Variants in LINGO2 observed in about 807,000 individuals in gnomAD.
The protein encoded by LINGO2 is leucine-rich repeat and immunoglobulin-like domain-containing nogo receptor-interacting protein 2.
Under a neutral mutation model 30.6 loss-of-function variants are expected in LINGO2, and 14 were observed. That is an observed-to-expected ratio of 0.46 (90% CI 0.30 to 0.72). The LOEUF (loss-of-function observed/expected upper bound fraction) is 0.72, where lower values mean the gene tolerates loss of function less well. Ranked by LOEUF, LINGO2 falls within the 30% of genes least tolerant of loss-of-function variation. The pLI is 0.07. For missense variants in LINGO2, 729 were observed against 751.7 expected (o/e 0.97, Z 0.35); for synonymous variants, 317 against 288.5 (o/e 1.10, Z -1.00).
intron 4 of LINGO2, among the ~76,000 whole-genome samples, chr9:28,256,420 G>A (rs938755625): frequency 6.6e-6 from 1 of 151,808 alleles, no homozygotes; most frequent in Non-Finnish European, 1.5e-5. Flanking sequence ...TCCAGGGGAC[G>A]TAGAAGTAAG....
At position 28,064,448 on chromosome 9, in the gene LINGO2, C is replaced by T. The variant is rs139340415; in HGVS notation, c.-86-52043G>A. On this transcript the variant is annotated intron_variant, in intron 4 of 5. Coordinates refer to ENST00000379992, the Ensembl canonical transcript of LINGO2. The stretch of plus-strand genomic sequence containing the variant: ...ATTGACGAACCAGCTGGGCTTGTCT[C>T]GGTATAGTAACCTAATAAGCTCCAA... Among the ~76,000 whole-genome samples the T allele has an allele frequency of 4.9e-4, 74 of 152,164 alleles. No homozygotes were observed. In the East Asian group the frequency reaches 0.014, roughly 29 times the overall value.
At chr9:28,790,642 G>T in the LINGO2 span, among the ~76,000 whole-genome samples, 2 of 151,778 alleles carry the variant, frequency 1.3e-5, no homozygotes, top group African/African-American at 4.8e-5. Flanking sequence ...CCTACTTTAC[G>T]CATCTTATAG....
chr9:29,193,498 T>C, the LINGO2 span, among the ~76,000 whole-genome samples: 1 of 152,212 alleles, frequency 6.6e-6, no homozygotes, highest in Admixed American at 6.5e-5. Flanking sequence ...TTATTGACTT[T>C]CAAGGGGAGT....
intron 2 of LINGO2, among the ~76,000 whole-genome samples, chr9:28,390,564 A>G (rs1239803080): frequency 7.4e-6 from 1 of 135,374 alleles, no homozygotes; most frequent in East Asian, 2.3e-4. Flanking sequence ...TCTTTGAATG[A>G]TACATAAATG....
intron 4 of LINGO2, among the ~76,000 whole-genome samples, chr9:28,273,683 C>T (rs563319923): frequency 3.9e-5 from 6 of 152,236 alleles, no homozygotes; most frequent in Non-Finnish European, 8.8e-5. Flanking sequence ...ATTGTTACGA[C>T]TTTGGGCAAC....
the LINGO2 span, among the ~76,000 whole-genome samples, chr9:28,933,310 T>C: frequency 1.3e-5 from 2 of 152,206 alleles, no homozygotes; most frequent in African/African-American, 4.8e-5. Context: ...TTCCCCAAAA[T>C]CCTTAGTTTA....
the LINGO2 span, among the ~76,000 whole-genome samples, chr9:28,963,543 TACACACAC>T: frequency 1.6e-4 from 23 of 140,890 alleles, 1 homozygote; most frequent in South Asian, 3.7e-3. Flanking sequence ...GGTATATGAA[TACACACAC>T]ACACACACAC....
chr9:29,179,488 T>C, the LINGO2 span, among the ~76,000 whole-genome samples: 2 of 151,976 alleles, frequency 1.3e-5, no homozygotes, highest in African/African-American at 4.8e-5. Flanking sequence ...CACTGCAACC[T>C]CCGTTTCCAG....
At chr9:28,577,512 C>G (rs1352978170) in intron 1 of LINGO2, among the ~76,000 whole-genome samples, 1 of 152,108 alleles carries the variant, frequency 6.6e-6, no homozygotes, top group East Asian at 1.9e-4. Flanking sequence ...TTAAAAAACC[C>G]TAGCATTCAA....
At chr9:28,888,450 A>C in the LINGO2 span, among the ~76,000 whole-genome samples, 1 of 152,252 alleles carries the variant, frequency 6.6e-6, no homozygotes, top group East Asian at 1.9e-4. Flanking sequence ...TTAGATAACA[A>C]TCTCAACATT....
At chr9:28,485,557 G>A (rs1472265071) in intron 1 of LINGO2, among the ~76,000 whole-genome samples, 1 of 152,072 alleles carries the variant, frequency 6.6e-6, no homozygotes, top group East Asian at 1.9e-4. Context: ...GGATATATAA[G>A]GAGACAGTAT....
chr9:28,416,028 C>T (rs1019253311), intron 2 of LINGO2, among the ~76,000 whole-genome samples: 1 of 152,080 alleles, frequency 6.6e-6, no homozygotes, highest in Admixed American at 6.6e-5. Context: ...CATTTATCTG[C>T]TCAACTTTTC....
intron 4 of LINGO2, among the ~76,000 whole-genome samples, chr9:28,208,845 T>G (rs1193182885): frequency 1.3e-5 from 2 of 152,062 alleles, no homozygotes; most frequent in African/African-American, 4.8e-5. Flanking sequence ...TGCAGGCATT[T>G]AGGCTTCCTT....
the LINGO2 span, among the ~76,000 whole-genome samples, chr9:29,209,224 T>A: frequency 6.6e-6 from 1 of 152,142 alleles, no homozygotes; most frequent in African/African-American, 2.4e-5. Context: ...TACCTATCCA[T>A]GCTTTTACAC....
At chr9:28,172,235 C>T (rs1040687977) in intron 4 of LINGO2, among the ~76,000 whole-genome samples, 2 of 147,430 alleles carry the variant, frequency 1.4e-5, no homozygotes, top group Non-Finnish European at 3.0e-5. Flanking sequence ...ACTAAAAATA[C>T]AAAAAATTAG....
At chr9:29,151,961 G>C in the LINGO2 span, among the ~76,000 whole-genome samples, 1 of 152,114 alleles carries the variant, frequency 6.6e-6, no homozygotes, top group Non-Finnish European at 1.5e-5. Context: ...AGACCAATAT[G>C]TTCTGAGATT....
the LINGO2 span, among the ~76,000 whole-genome samples, chr9:29,169,269 A>G: frequency 1.3e-5 from 2 of 152,270 alleles, no homozygotes; most frequent in South Asian, 4.1e-4. Context: ...TTTCAAAAAA[A>G]CTTCAAAAGT....
chr9:29,126,326 T>G, the LINGO2 span, among the ~76,000 whole-genome samples: 1 of 152,122 alleles, frequency 6.6e-6, no homozygotes, highest in Admixed American at 6.6e-5. Flanking sequence ...TCACTTAGCC[T>G]TCCTAGATCT....
the LINGO2 span, among the ~76,000 whole-genome samples, chr9:28,910,361 A>G: frequency 2.6e-5 from 4 of 152,062 alleles, no homozygotes; most frequent in Non-Finnish European, 5.9e-5. Context: ...GACCATTACT[A>G]AATCATGCTA....
Sources: gnomAD v4.1 joint callset for allele counts (sites outside exome capture counted in the v4.1 genomes callset) on GRCh38, gnomAD v4.1.1 for gene constraint, MANE v1.5 for transcripts, NCBI Gene and HGNC (gene_info 2026-07-23, HGNC 2026-07-21) for gene names.